KCNG4: variants seen among roughly 807,000 people sequenced by gnomAD.
The protein encoded by KCNG4 is voltage-gated potassium channel regulatory subunit KCNG4.
KCNG4 carries 30 observed loss-of-function variants against 28.2 expected under a neutral mutation model. The observed-to-expected ratio is 1.06, with a 90% CI of 0.80 to 1.44. The LOEUF (loss-of-function observed/expected upper bound fraction) is 1.44. KCNG4 is among the 40% of genes most tolerant of loss of function. The probability of loss-of-function intolerance (pLI) is 0.00; values close to 1 mark genes in which losing one functional copy is unlikely to be tolerated. For synonymous variants in KCNG4, 375 were observed against 315.5 expected, an observed-to-expected ratio of 1.19 and a Z score of -2.00; for missense variants, 879 against 712.3, an observed-to-expected ratio of 1.23 and a Z score of -2.66.
intron 2 of KCNG4, among the ~76,000 whole-genome samples, chr16:84,233,074 T>TGAAC (rs1200116653): frequency 1.3e-5 from 2 of 151,946 alleles, no homozygotes. Flanking sequence ...ACTGAATGAA[T>TGAAC]GAATGAATGA....
chr16:84,223,047 G>T lies in KCNG4; in HGVS notation c.757-27C>A, dbSNP rs764655835. 14 of 1,501,236 alleles carry T rather than the reference G, an allele frequency of 9.3e-6. No homozygotes were observed. The Admixed American group carries it at 3.0e-4, about 32-fold the overall frequency. 93.0% of individuals were successfully genotyped at this position (1,501,236 alleles called of 1,614,324 possible). ...TGCGGGGAGAAGAGGCAACAACGCG[G>T]GGTAGAGAGTGGACTTGCAACTGTG... On this transcript the variant is annotated intron_variant, in intron 2 of 2. Coordinates refer to ENST00000308251, the MANE Select transcript of KCNG4 (RefSeq NM_172347.3).
chr16:84,227,470 G>C lies in KCNG4; in HGVS notation c.757-4450C>G, dbSNP rs535040904. Among the ~76,000 whole-genome samples the C allele has an allele frequency of 4.6e-4, 70 of 152,210 alleles. 1 individual carries two copies. In the South Asian group the frequency reaches 0.014, roughly 30 times the overall value. ...CAGGTGCCTGTGATCCTAGCTACTC[G>C]GGAGGCTGAGGCAGGAGAATCACTT... On this transcript the variant is annotated intron_variant, in intron 2 of 2. Transcript: ENST00000308251.
Position 84,221,104 on chromosome 16 carries a change from C to G in KCNG4, c.*1113G>C, listed in dbSNP as rs1293485461. On this transcript the variant is annotated 3_prime_UTR_variant, in exon 3 of 3. Coordinates refer to ENST00000308251, the MANE Select transcript of KCNG4 (RefSeq NM_172347.3). ...TCCAGTGACTCAGACCTCCATCTGC[C>G]TCCTCCCCTGGATGCAAAGGACAGA... The G allele has an allele frequency of 6.6e-6, 1 of 152,328 alleles. No homozygotes were observed. The highest frequency in any genetic ancestry group is 1.5e-5 in the Non-Finnish European group (1 of 68,134). The allele number at this position is 152,328 out of a possible 1,614,324, so 9.4% of individuals were successfully genotyped here.
Position 84,225,979 on chromosome 16 carries a change from GA to G in KCNG4, c.757-2960del, listed in dbSNP as rs940439768. 4.0e-5 allele frequency among the ~76,000 whole-genome samples: 6 copies of G among 151,630 alleles called. 1 individual carries two copies. The South Asian group carries it at 6.2e-4, about 16-fold the overall frequency. ...CAGCTTAGCAAACATTCGAAGAAAA[GA>G]AAAAAAGGGGAAAGAAGGAAAGAAA... On this transcript the variant is annotated intron_variant, in intron 2 of 2. Coordinates refer to ENST00000308251, the MANE Select transcript of KCNG4 (RefSeq NM_172347.3).
chr16:84,230,828 C>T (rs1245277981), intron 2 of KCNG4, among the ~76,000 whole-genome samples: 1 of 152,218 alleles, frequency 6.6e-6, no homozygotes, highest in African/African-American at 2.4e-5. Context: ...AGGCGTAGCA[C>T]CCAAGATGGG....
In KCNG4 at chr16:84,236,729, C is replaced by G. The variant is rs528934560; in HGVS notation, c.756+1G>C. 1.2e-6 allele frequency: 2 copies of G among 1,606,242 alleles called. No homozygotes were observed. The highest frequency in any genetic ancestry group is 2.2e-5 in the East Asian group (1 of 44,696). ...CGTGAATGCCATCAGAGGCCGCTCA[C>G]CTGGTCCTCCTCTGCCCTGAGGTCG... On this transcript the variant is annotated splice_donor_variant, in intron 2 of 2. Coordinates refer to ENST00000308251, the MANE Select transcript of KCNG4 (RefSeq NM_172347.3). LOFTEE classifies it high-confidence loss of function.
chr16:84,227,750 T>A (rs1012045651), intron 2 of KCNG4, among the ~76,000 whole-genome samples: 10 of 152,034 alleles, frequency 6.6e-5, no homozygotes, highest in African/African-American at 2.4e-4. Context: ...TGAAAAGGAA[T>A]GAAGGGCTAA....
In KCNG4 at chr16:84,224,411, C is replaced by CACACACACATAT. The variant is rs1555536137; in HGVS notation, c.757-1392_757-1391insATATGTGTGTGT. On this transcript the variant is annotated intron_variant, in intron 2 of 2. Coordinates refer to ENST00000308251, the MANE Select transcript of KCNG4 (RefSeq NM_172347.3). The stretch of plus-strand genomic sequence containing the variant: ...ACTTTGCTATACATATTTACACACA[C>CACACACACATAT]ACACACACACACACACACACACACA... Among the ~76,000 whole-genome samples the CACACACACATAT allele has an allele frequency of 6.8e-5, 9 of 131,922 alleles. No homozygotes were observed. The Admixed American group carries it at 6.8e-4, about 10-fold the overall frequency. The allele number at this position is 131,922 out of a possible 152,430, so 86.5% of individuals were successfully genotyped here. A position where few individuals can be genotyped will look rare whatever the true frequency, so the allele number is the denominator to read the frequency against.
At position 84,226,489 on chromosome 16, in the gene KCNG4, T is replaced by G. The variant is rs1040266323; in HGVS notation, c.757-3469A>C. ...CCTAGGATTTGTGCATTTCAGTGTA[T>G]GTACATTTCACCTGTAAAACTGTAG... is the stretch of plus-strand genomic sequence containing the variant. On this transcript the variant is annotated intron_variant, in intron 2 of 2. Coordinates refer to ENST00000308251, the MANE Select transcript of KCNG4 (RefSeq NM_172347.3). This position sits in a 1 kb window ranked among gnomAD's most constrained non-coding sequence, Gnocchi z 4.1. Among the ~76,000 whole-genome samples the G allele has an allele frequency of 2.0e-5, 3 of 152,160 alleles. No homozygotes were observed. Among genetic ancestry groups the G allele is most frequent in the African/African-American group, 7.2e-5 (3 of 41,430 alleles).
chr16:84,230,050 C>A (rs930733273), intron 2 of KCNG4, among the ~76,000 whole-genome samples: 2 of 151,872 alleles, frequency 1.3e-5, no homozygotes, highest in African/African-American at 4.8e-5. Context: ...AAATGGCACC[C>A]CAAAAGGTGA....
intron 2 of KCNG4, among the ~76,000 whole-genome samples, chr16:84,228,853 G>T (rs892263262): frequency 6.6e-6 from 1 of 152,224 alleles, no homozygotes; most frequent in African/African-American, 2.4e-5. Context: ...CCAAATCTAC[G>T]CTGCTTCTCT....
intron 1 of KCNG4, among the ~76,000 whole-genome samples, chr16:84,238,084 G>A (rs1015393175): frequency 4.6e-5 from 7 of 152,150 alleles, no homozygotes; most frequent in Admixed American, 2.6e-4. Context: ...TGCCCACATC[G>A]TAGGGCATGG....
intron 2 of KCNG4, 64 bp downstream of exon 2, chr16:84,236,666 A>G: frequency 6.7e-7 from 1 of 1,502,244 alleles, no homozygotes; most frequent in Non-Finnish European, 8.9e-7. Context: ...TTGGGCCCCT[A>G]AAAGACATCT....
At chr16:84,228,269 G>C (rs381482) in intron 2 of KCNG4, among the ~76,000 whole-genome samples, 69,564 of 152,018 alleles carry the variant, frequency 0.46, 16,731 homozygotes, top group African/African-American at 0.6. Context: ...CCAGCAAAAT[G>C]CTGCCAGCCC....
In KCNG4 at chr16:84,222,433, G is replaced by A; in HGVS notation, c.1344C>T (p.Phe448=). 6.2e-7 allele frequency: 1 copy of A among 1,614,138 alleles called. No individual in the cohort carries two copies. ...SILSGILIMA[F]PATSIFHTFS... ...AGGTGTGGAAGATAGACGTGGCCGG[G>A]AAGGCCATGATGAGGATCCCGCTCA... The change falls in exon 3 of 3, where the codon TTC becomes TTT. Residue 448 remains phenylalanine (F), a synonymous_variant. Coordinates refer to ENST00000308251, the MANE Select transcript of KCNG4 (RefSeq NM_172347.3).
intron 2 of KCNG4, among the ~76,000 whole-genome samples, chr16:84,224,718 G>A (rs1904658371): frequency 6.6e-6 from 1 of 152,250 alleles, no homozygotes; most frequent in Non-Finnish European, 1.5e-5. Context: ...AGGGGTGGGA[G>A]TCAGAGGCAG....
rs1229069693 is a variant in KCNG4 at position 84,222,142 on chromosome 16, A to G, written c.*75T>C. 5 of 1,465,862 alleles carry G rather than the reference A, an allele frequency of 3.4e-6. No homozygotes were observed. The highest frequency in any genetic ancestry group is 3.8e-6 in the Non-Finnish European group (4 of 1,058,096). 90.8% of individuals were successfully genotyped at this position (1,465,862 alleles called of 1,614,324 possible). ...CTCTAGAAACACCACCAGGTGGTCT[A>G]TGCGGGGTACCCTTGAGTGTGTTTC... On this transcript the variant is annotated 3_prime_UTR_variant, in exon 3 of 3. Coordinates refer to ENST00000308251, the MANE Select transcript of KCNG4 (RefSeq NM_172347.3).
intron 2 of KCNG4, among the ~76,000 whole-genome samples, chr16:84,232,896 CAAAAA>C (rs60683135): frequency 3.7e-5 from 4 of 107,982 alleles, no homozygotes; most frequent in African/African-American, 7.7e-5. Context: ...GAAACCCTAT[CAAAAA>C]AAAAAAAAAA....
At position 84,222,513 on chromosome 16, in the gene KCNG4, C is replaced by T. The variant is rs1389501848; in HGVS notation, c.1264G>A (p.Gly422Arg). The change falls in exon 3 of 3, where the codon GGG (glycine) becomes AGG (arginine). Residue 422 changes from glycine to arginine, a missense_variant. Physicochemically the swap from Gly to Arg is moderately radical, Grantham distance 125 (BLOSUM62 -2). Coordinates refer to ENST00000308251, the MANE Select transcript of KCNG4 (RefSeq NM_172347.3). ...GGCACACTGCGGGGCACCATGTCCCCGTAGCCCACCGTTGTCATGGAGATG... is the reference window on the plus strand; with the variant it reads ...GGCACACTGCGGGGCACCATGTCCCTGTAGCCCACCGTTGTCATGGAGATG... ...AIISMTTVGYGDMVPRSVPGQ... is the reference protein window; with the variant it reads ...AIISMTTVGYRDMVPRSVPGQ... 6.2e-6 allele frequency: 10 copies of T among 1,613,408 alleles called. No individual in the cohort carries two copies. Among genetic ancestry groups the T allele is most frequent in the East Asian group, 2.2e-5 (1 of 44,868 alleles).
Sources: allele counts gnomAD v4.1 joint callset (sites outside exome capture counted in the v4.1 genomes callset), GRCh38; gene constraint gnomAD v4.1.1; non-coding constraint Gnocchi (gnomAD v3.1); transcripts MANE v1.5; gene names NCBI Gene and HGNC (gene_info 2026-07-23, HGNC 2026-07-21).